The following ZNF236 variants were observed in gnomAD, a reference collection of about 807,000 sequenced individuals.
The protein encoded by ZNF236 is zinc finger protein 236.
ZNF236 carries 50 observed loss-of-function variants against 191.2 expected under a neutral mutation model. That is an observed-to-expected ratio of 0.26 (90% CI 0.21 to 0.33). The LOEUF (loss-of-function observed/expected upper bound fraction) is 0.33, where lower values mean the gene tolerates loss of function less well. Among genes scored for constraint, ZNF236 ranks in the 10% least tolerant of loss-of-function variants. ZNF236 has a pLI of 1.00. For synonymous variants in ZNF236, 907 were observed against 928.8 expected (o/e 0.98, Z 0.43); for missense variants, 1,754 against 2,374.5 (o/e 0.74, Z 5.43).
At chr18:76,922,240 G>A (rs942127543) in intron 20 of ZNF236, among the ~76,000 whole-genome samples, 8 of 152,180 alleles carry the variant, frequency 5.3e-5, no homozygotes, top group African/African-American at 1.7e-4. Flanking sequence ...TGACTCTTCC[G>A]TGAGCCTGTG....
At chr18:76,857,115 C>T (rs1976062382) in intron 3 of ZNF236, among the ~76,000 whole-genome samples, 1 of 151,982 alleles carries the variant, frequency 6.6e-6, no homozygotes, top group South Asian at 2.1e-4. Flanking sequence ...TATGTGGGCT[C>T]CTTCTCTCGC....
At chr18:76,851,224 A>G (rs1046775031) in intron 2 of ZNF236, among the ~76,000 whole-genome samples, 3 of 150,974 alleles carry the variant, frequency 2.0e-5, no homozygotes, top group East Asian at 2.0e-4. Context: ...TAGACGTTCA[A>G]CACAAACCCA....
At chr18:76,861,788 G>A (rs952073645) in intron 3 of ZNF236, among the ~76,000 whole-genome samples, 2 of 152,208 alleles carry the variant, frequency 1.3e-5, no homozygotes, top group Non-Finnish European at 2.9e-5. Flanking sequence ...GGCACAGAAG[G>A]ACTCTGAAAG....
At chr18:76,947,809 C>A (rs1968301428) in intron 27 of ZNF236, among the ~76,000 whole-genome samples, 157 bp downstream of exon 27, 1 of 152,056 alleles carries the variant, frequency 6.6e-6, no homozygotes, top group Non-Finnish European at 1.5e-5. Context: ...TGGACATAGG[C>A]CCTGCGGGGG....
Position 76,913,736 on chromosome 18 carries a change from T to C in ZNF236, c.2910-11T>C. The C allele has an allele frequency of 6.2e-7, 1 of 1,613,240 alleles. No individual in the cohort carries two copies. The highest frequency in any genetic ancestry group is 1.1e-5 in the South Asian group (1 of 91,060). On this transcript the variant is annotated splice_polypyrimidine_tract_variant and intron_variant, in intron 17 of 30. Coordinates refer to ENST00000320610, the MANE Select transcript of ZNF236 (RefSeq NM_001306089.2). ...TTAACGTGGTCTGAGTTCTGTATGTTTGCTTTGTAGGTGTGACTATTGCAA... is the reference window on the plus strand; with the variant it reads ...TTAACGTGGTCTGAGTTCTGTATGTCTGCTTTGTAGGTGTGACTATTGCAA...
intron 14 of ZNF236, among the ~76,000 whole-genome samples, chr18:76,909,362 G>A (rs901817164): frequency 4.0e-5 from 6 of 150,896 alleles, no homozygotes; most frequent in Non-Finnish European, 7.4e-5. Context: ...ACCTTGCAGT[G>A]CATACTATTT....
chr18:76,888,772 G>A (rs1173698927), intron 9 of ZNF236: 3 of 152,318 alleles, frequency 2.0e-5, no homozygotes, highest in Admixed American at 6.5e-5. Flanking sequence ...GGTGCTCTCC[G>A]ATCCCACAGA....
chr18:76,952,630 C>T (rs900800858), intron 27 of ZNF236, among the ~76,000 whole-genome samples: 2 of 152,210 alleles, frequency 1.3e-5, no homozygotes, highest in African/African-American at 4.8e-5. Context: ...AATCCTACAT[C>T]TGTGTGATGG....
chr18:76,942,657 G>A (rs1388247456), intron 26 of ZNF236, among the ~76,000 whole-genome samples: 6 of 151,012 alleles, frequency 4.0e-5, no homozygotes, highest in Non-Finnish European at 7.4e-5. Context: ...GACCACAGGC[G>A]CCCGCCACCA....
At chr18:76,930,171 C>G (rs1418068765) in intron 25 of ZNF236, among the ~76,000 whole-genome samples, 1 of 152,212 alleles carries the variant, frequency 6.6e-6, no homozygotes, top group Non-Finnish European at 1.5e-5. Context: ...TGGGTCTGCT[C>G]AGGTGATAAT....
Position 76,954,892 on chromosome 18 carries a change from T to C in ZNF236, c.4915-1093T>C, listed in dbSNP as rs1968485820. Among the ~76,000 whole-genome samples the C allele has an allele frequency of 3.9e-5, 6 of 152,258 alleles. 1 individual carries two copies. Among genetic ancestry groups the C allele is most frequent in the Admixed American group, 3.9e-4 (6 of 15,288 alleles). ...TCCTTTTTTTCCCCATTCCATTTTTTAAATTATAGCACAGATTAATAATAT... is the reference window on the plus strand; with the variant it reads ...TCCTTTTTTTCCCCATTCCATTTTTCAAATTATAGCACAGATTAATAATAT... On this transcript the variant is annotated intron_variant, in intron 27 of 30. Transcript: ENST00000320610.
intron 3 of ZNF236, among the ~76,000 whole-genome samples, chr18:76,866,959 C>T (rs1256533420): frequency 6.6e-6 from 1 of 152,208 alleles, no homozygotes; most frequent in Non-Finnish European, 1.5e-5. Flanking sequence ...ACCATCTGAG[C>T]ACGTCGTGCA....
chr18:76,926,631 T>C (rs1253723735), intron 22 of ZNF236, among the ~76,000 whole-genome samples: 1 of 147,368 alleles, frequency 6.8e-6, no homozygotes, highest in Non-Finnish European at 1.5e-5. Context: ...GATTAGACAG[T>C]GTGTGTATAT....
chr18:76,842,432 C>G (rs1489460044), intron 1 of ZNF236, among the ~76,000 whole-genome samples: 2 of 148,416 alleles, frequency 1.3e-5, no homozygotes, highest in African/African-American at 5.0e-5. Context: ...GCTCCACCCC[C>G]CTCAACTTTT....
intron 6 of ZNF236, among the ~76,000 whole-genome samples, chr18:76,877,187 T>A (rs1279064629): frequency 6.6e-6 from 1 of 152,194 alleles, no homozygotes; most frequent in East Asian, 1.9e-4. Flanking sequence ...CTGGTTTCCA[T>A]GGTTTCTGGA....
In ZNF236 at chr18:76,927,195, C is replaced by T. The variant is rs977264823; in HGVS notation, c.4173+13C>T. Reference sequence around the variant, plus strand: ...CATTACGTTGCAGGTATGACACCTTCCATGGTCTCCTGTGCTGTAATTCTC... The same window carrying T: ...CATTACGTTGCAGGTATGACACCTTTCATGGTCTCCTGTGCTGTAATTCTC... On this transcript the variant is annotated intron_variant, in intron 23 of 30. Transcript: ENST00000320610. This position sits in a 1 kb window ranked among gnomAD's most constrained non-coding sequence, Gnocchi z 5.4. The T allele has an allele frequency of 1.7e-5, 28 of 1,612,308 alleles. No individual in the cohort carries two copies. Among genetic ancestry groups the T allele is most frequent in the Non-Finnish European group, 2.4e-5 (28 of 1,178,394 alleles).
At chr18:76,826,523 G>A (rs1307532517) in intron 1 of ZNF236, among the ~76,000 whole-genome samples, 1 of 151,102 alleles carries the variant, frequency 6.6e-6, no homozygotes, top group Non-Finnish European at 1.5e-5. Flanking sequence ...TGTCATGGTG[G>A]CTCACACCTG....
intron 14 of ZNF236, 68 bp from the exon 15 acceptor site, chr18:76,910,000 G>A: frequency 8.2e-7 from 1 of 1,222,478 alleles, no homozygotes; most frequent in East Asian, 2.4e-5. Context: ...GTGTACTTTT[G>A]GACAGATTTG....
At chr18:76,896,039 G>A (rs1977396441) in intron 10 of ZNF236, among the ~76,000 whole-genome samples, 2 of 151,898 alleles carry the variant, frequency 1.3e-5, no homozygotes, top group South Asian at 2.1e-4. Context: ...ACTGCACATG[G>A]GTACTAAACT....
Sources: gnomAD v4.1 joint callset for allele counts (sites outside exome capture counted in the v4.1 genomes callset) on GRCh38, gnomAD v4.1.1 for gene constraint, Gnocchi (gnomAD v3.1) non-coding constraint, MANE v1.5 for transcripts, NCBI Gene and HGNC (gene_info 2026-07-23, HGNC 2026-07-21) for gene names.